Variants in INSR observed in about 807,000 individuals in gnomAD.
INSR encodes IR.
INSR carries 67 observed loss-of-function variants against 142.6 expected under a neutral mutation model. That is an observed-to-expected ratio of 0.47 (90% CI 0.39 to 0.58). The LOEUF is 0.58. Among genes scored for constraint, INSR ranks in the 20% least tolerant of loss-of-function variants. The probability of loss-of-function intolerance (pLI) is 0.00; values close to 1 mark genes in which losing one functional copy is unlikely to be tolerated. For missense variants in INSR, 1,248 were observed against 1,833.2 expected (o/e 0.68, Z 5.83); for synonymous variants, 756 against 743.1 (o/e 1.02, Z -0.28).
In INSR at chr19:7,188,095, C is replaced by A. The variant is rs571559139; in HGVS notation, c.653-3458G>T. On this transcript the variant is annotated intron_variant, in intron 2 of 21. Coordinates refer to ENST00000302850, the MANE Select transcript of INSR (RefSeq NM_000208.4). ...GCACAAGCTGTTCTGGGTGGAGCACCCTGGTCCCTTGTCCCCTTGTGACTT... is the reference window on the plus strand; with the variant it reads ...GCACAAGCTGTTCTGGGTGGAGCACACTGGTCCCTTGTCCCCTTGTGACTT... Among the ~76,000 whole-genome samples the A allele has an allele frequency of 5.3e-5, 8 of 152,226 alleles. No homozygotes were observed. In the East Asian group the frequency reaches 1.2e-3, roughly 22 times the overall value.
chr19:7,143,253 T>C (rs1019998026), intron 11 of INSR, among the ~76,000 whole-genome samples, 163 bp from the exon 12 acceptor site: 2 of 152,142 alleles, frequency 1.3e-5, no homozygotes, highest in Non-Finnish European at 2.9e-5. Context: ...GAATGACCAC[T>C]CAGAGCAGCT....
intron 13 of INSR, among the ~76,000 whole-genome samples, chr19:7,137,772 A>G (rs1175348684): frequency 8.0e-6 from 1 of 124,538 alleles, no homozygotes; most frequent in Non-Finnish European, 1.6e-5. Context: ...GGATGACAGG[A>G]TGACAGAGTG....
intron 2 of INSR, among the ~76,000 whole-genome samples, chr19:7,264,249 C>G (rs1977154557): frequency 1.3e-5 from 2 of 151,648 alleles, no homozygotes; most frequent in South Asian, 4.2e-4. Flanking sequence ...AGGAAAATTG[C>G]TTGAACCTAG....
chr19:7,194,808 C>G (rs74638767), intron 2 of INSR, among the ~76,000 whole-genome samples: 11,141 of 151,918 alleles, frequency 0.073, 564 homozygotes, highest in Middle Eastern at 0.12. Context: ...CCGCGCCAGG[C>G]CAGCTTTGCT....
chr19:7,249,126 A>G (rs1976629906), intron 2 of INSR, among the ~76,000 whole-genome samples: 1 of 152,064 alleles, frequency 6.6e-6, no homozygotes, highest in South Asian at 2.1e-4. Context: ...TTTCCTCTGA[A>G]CTACATTGAC....
intron 2 of INSR, among the ~76,000 whole-genome samples, chr19:7,221,462 C>G (rs1975614339): frequency 6.6e-6 from 1 of 151,542 alleles, no homozygotes; most frequent in Non-Finnish European, 1.5e-5. Flanking sequence ...AATCCCAGCA[C>G]TTTGGGAGGC....
chr19:7,121,839 G>C (rs542249828), intron 19 of INSR, among the ~76,000 whole-genome samples: 1 of 152,160 alleles, frequency 6.6e-6, no homozygotes, highest in Non-Finnish European at 1.5e-5. Context: ...CTGGTGGGGG[G>C]TCCCCATCCA....
chr19:7,172,306 C>G lies in INSR; in HGVS notation c.1252G>C (p.Glu418Gln). The G allele has an allele frequency of 6.2e-7, 1 of 1,614,168 alleles. No individual in the cohort carries two copies. Among genetic ancestry groups the G allele is most frequent in the Middle Eastern group, 1.6e-4 (1 of 6,062 alleles). Residue 418 changes from glutamate to glutamine, a missense_variant, in exon 5 of 22, where the codon GAG (glutamate) becomes CAG (glutamine). Physicochemically the swap from Glu to Gln is conservative, Grantham distance 29. Around this residue, in one of 3 missense-constraint regions of INSR, gnomAD observed 1,069 missense variants for 1,654.0 expected, o/e 0.65. Transcript: ENST00000302850. ...FFRKLRLIRG[E>Q]TLEIGNYSFY... is the part of the protein sequence containing the mutation. ...CCCACGTACCCAATTTCCAAGGTCT[C>G]TCCTCGAATCAGACGTAACTTCCGG...
intron 12 of INSR, among the ~76,000 whole-genome samples, chr19:7,142,475 A>T (rs1973095003): frequency 6.7e-6 from 1 of 150,094 alleles, no homozygotes; most frequent in African/African-American, 2.5e-5. Context: ...TGGGTGGATC[A>T]CTTGAGCCCA....
chr19:7,141,570 G>A, intron 13 of INSR, 107 bp downstream of exon 13: 1 of 1,502,152 alleles, frequency 6.7e-7, no homozygotes. Flanking sequence ...TACCTGATGA[G>A]AGAAGCACTG....
chr19:7,244,207 G>C (rs1976455804), intron 2 of INSR, among the ~76,000 whole-genome samples: 2 of 152,032 alleles, frequency 1.3e-5, no homozygotes, highest in South Asian at 4.1e-4. Context: ...AAATAATACA[G>C]GATAAAGATG....
rs775672890 is a variant in INSR, at chr19:7,122,501, TC to T, written c.3529+112del. 6.1e-3 allele frequency: 1,790 copies of T among 292,884 alleles called. 22 individuals carry two copies. The highest frequency in any genetic ancestry group is 8.2e-3 in the Non-Finnish European group (1,535 of 187,086). 18.1% of individuals were successfully genotyped at this position (292,884 alleles called of 1,614,324 possible). A position where few individuals can be genotyped will look rare whatever the true frequency, so the allele number is the denominator to read the frequency against. On this transcript the variant is annotated intron_variant, in intron 19 of 21. Coordinates refer to ENST00000302850, the MANE Select transcript of INSR (RefSeq NM_000208.4). ...AAACCCCACAAAAAAAAAAGAAGTA[TC>T]TTGCCCCTTTATATTATCAGAAAAG...
At position 7,116,928 on chromosome 19, in the gene INSR, T is replaced by C; in HGVS notation, c.*128A>G. On this transcript the variant is annotated 3_prime_UTR_variant, in exon 22 of 22. Transcript: ENST00000302850. ...GTCCACCTTAAGATGAACAGAAATG[T>C]ATAGGAACGATCTCTGAACTCCATT... is the stretch of plus-strand genomic sequence containing the variant. 1 of 804,732 alleles carries C rather than the reference T, an allele frequency of 1.2e-6. No individual in the cohort carries two copies. Among genetic ancestry groups the C allele is most frequent in the South Asian group, 1.4e-5 (1 of 71,690 alleles). 49.8% of individuals were successfully genotyped at this position (804,732 alleles called of 1,614,324 possible).
At chr19:7,126,509 T>C in intron 16 of INSR, 75 bp downstream of exon 16, 1 of 1,323,680 alleles carries the variant, frequency 7.6e-7, no homozygotes, top group Non-Finnish European at 1.1e-6. Context: ...CATCCTTCAC[T>C]CTCACTCAAT....
rs1967759733 is a variant in INSR at position 7,267,195 on chromosome 19, G to A, written c.652+150C>T. 2.5e-6 allele frequency: 2 copies of A among 786,530 alleles called. No homozygotes were observed. Among genetic ancestry groups the A allele is most frequent in the Non-Finnish European group, 4.3e-6 (2 of 465,384 alleles). The allele number at this position is 786,530 out of a possible 1,614,324, so 48.7% of individuals were successfully genotyped here. On this transcript the variant is annotated intron_variant, in intron 2 of 21. Coordinates refer to ENST00000302850, the MANE Select transcript of INSR (RefSeq NM_000208.4). This position sits in a 1 kb window ranked among gnomAD's most constrained non-coding sequence, Gnocchi z 6.3. ...TACTATCTGAGTCTTTACAGAAAAT[G>A]TCTGCCACTCCCTGGGCTAGTGAAT... is the stretch of plus-strand genomic sequence containing the variant.
chr19:7,185,565 C>T (rs11670971), intron 2 of INSR, among the ~76,000 whole-genome samples: 113,694 of 151,876 alleles, frequency 0.75, 42,782 homozygotes, highest in Middle Eastern at 0.79. Context: ...AAATGTGGCT[C>T]GGTGTGGTGG....
chr19:7,139,275 C>T (rs1973010798), intron 13 of INSR, among the ~76,000 whole-genome samples: 1 of 152,186 alleles, frequency 6.6e-6, no homozygotes, highest in Non-Finnish European at 1.5e-5. Flanking sequence ...TGTTTTAAAC[C>T]AGTACCTTTG....
intron 2 of INSR, among the ~76,000 whole-genome samples, chr19:7,227,823 T>C (rs1190572557): frequency 1.3e-5 from 2 of 152,182 alleles, no homozygotes; most frequent in African/African-American, 4.8e-5. Context: ...GTTTTTGTTT[T>C]TCCAGAACAC....
intron 2 of INSR, among the ~76,000 whole-genome samples, chr19:7,206,841 A>G (rs1368694745): frequency 6.6e-6 from 1 of 152,164 alleles, no homozygotes; most frequent in Non-Finnish European, 1.5e-5. Flanking sequence ...TAAAGCCCAA[A>G]TATCACGTTG....
Sources: gnomAD v4.1 joint callset for allele counts (sites outside exome capture counted in the v4.1 genomes callset) on GRCh38, gnomAD v4.1.1 for gene constraint, gnomAD v4.1.1 regional missense constraint, Gnocchi (gnomAD v3.1) non-coding constraint, MANE v1.5 for transcripts, NCBI Gene and HGNC (gene_info 2026-07-23, HGNC 2026-07-21) for gene names.